The following AGBL4 variants were observed in gnomAD, a reference collection of about 807,000 sequenced individuals.
AGBL4 encodes the protein AGBL carboxypeptidase 4, also known as cytosolic carboxypeptidase 6.
AGBL4 carries 58 observed loss-of-function variants against 66.4 expected under a neutral mutation model. That is an observed-to-expected ratio of 0.87 (90% CI 0.71 to 1.09). The LOEUF is 1.09. Ranked by LOEUF, AGBL4 falls within the 50% of genes least tolerant of loss-of-function variation. The probability of loss-of-function intolerance (pLI) is 0.00; values close to 1 mark genes in which losing one functional copy is unlikely to be tolerated. For synonymous variants in AGBL4, 234 were observed against 222.9 expected, an observed-to-expected ratio of 1.05 and a Z score of -0.44; for missense variants, 579 against 631.0, an observed-to-expected ratio of 0.92 and a Z score of 0.88.
intron 1 of AGBL4, among the ~76,000 whole-genome samples, chr1:49,864,316 A>C (rs1048136883): frequency 1.3e-5 from 2 of 152,222 alleles, no homozygotes; most frequent in Non-Finnish European, 2.9e-5. Context: ...GTACAAAAAA[A>C]ACAACAGAAA....
At chr1:49,370,791 C>T (rs966408383) in intron 3 of AGBL4, among the ~76,000 whole-genome samples, 1 of 152,144 alleles carries the variant, frequency 6.6e-6, no homozygotes, top group African/African-American at 2.4e-5. Flanking sequence ...GATCTTCCTG[C>T]TTCTATTTTC....
chr1:49,325,941 A>C (rs1263198797), intron 3 of AGBL4, among the ~76,000 whole-genome samples: 1 of 152,166 alleles, frequency 6.6e-6, no homozygotes, highest in African/African-American at 2.4e-5. Flanking sequence ...TCCACCATGA[A>C]TGAAAGCTTT....
At chr1:49,171,452 G>A (rs369672817) in intron 4 of AGBL4, among the ~76,000 whole-genome samples, 2 of 152,064 alleles carry the variant, frequency 1.3e-5, no homozygotes, top group African/African-American at 4.8e-5. Context: ...GTTCCAAATG[G>A]GTTTAGAGTA....
chr1:48,662,914 C>G (rs748675106), intron 7 of AGBL4, among the ~76,000 whole-genome samples: 2 of 152,166 alleles, frequency 1.3e-5, no homozygotes, highest in Non-Finnish European at 2.9e-5. Context: ...GTTCAGCCCT[C>G]CCTGTTCATT....
At chr1:48,936,189 C>A (rs1278758680) in intron 5 of AGBL4, among the ~76,000 whole-genome samples, 1 of 151,014 alleles carries the variant, frequency 6.6e-6, no homozygotes, top group Non-Finnish European at 1.5e-5. Context: ...ACTTGGGAGG[C>A]GGAGGTAGGA....
intron 2 of AGBL4, among the ~76,000 whole-genome samples, chr1:49,849,181 C>A (rs1237675498): frequency 6.6e-6 from 1 of 152,008 alleles, no homozygotes; most frequent in African/African-American, 2.4e-5. Context: ...GAACCTCATC[C>A]TGTGACTTAA....
intron 4 of AGBL4, among the ~76,000 whole-genome samples, chr1:49,046,054 A>C (rs1354211208): frequency 6.6e-6 from 1 of 152,226 alleles, no homozygotes; most frequent in Non-Finnish European, 1.5e-5. Context: ...GACACATTCT[A>C]TTCACTTGTT....
intron 5 of AGBL4, among the ~76,000 whole-genome samples, chr1:49,000,340 G>A (rs1052496352): frequency 6.6e-6 from 1 of 152,102 alleles, no homozygotes; most frequent in African/African-American, 2.4e-5. Flanking sequence ...TTATGTATAT[G>A]ACTGCACATG....
At chr1:49,730,475 GC>G (rs1353334292) in intron 2 of AGBL4, among the ~76,000 whole-genome samples, 2 of 152,112 alleles carry the variant, frequency 1.3e-5, no homozygotes, top group Non-Finnish European at 2.9e-5. Context: ...TCACCCAGCT[GC>G]CAGTCGGGAA....
rs12058406 is a variant in AGBL4 at position 49,681,989 on chromosome 1, C to T, written c.282+15324G>A. On this transcript the variant is annotated intron_variant, in intron 3 of 13. Transcript: ENST00000371839. ...TTAAATCAAGAAAGAAAGTGGCTTTCTCCTACCTTGGCCTCTGCCTACTAA... is the reference window on the plus strand; with the variant it reads ...TTAAATCAAGAAAGAAAGTGGCTTTTTCCTACCTTGGCCTCTGCCTACTAA... 4.3e-3 allele frequency among the ~76,000 whole-genome samples: 655 copies of T among 152,316 alleles called. 7 individuals are homozygous for T. Among genetic ancestry groups the T allele is most frequent in the African/African-American group, 0.015 (612 of 41,564 alleles).
chr1:49,208,720 A>T (rs1261522592), intron 4 of AGBL4, among the ~76,000 whole-genome samples: 1 of 152,094 alleles, frequency 6.6e-6, no homozygotes, highest in Non-Finnish European at 1.5e-5. Context: ...GATTTACTTA[A>T]ATATATTTAT....
chr1:49,086,593 A>T (rs1644911476), intron 4 of AGBL4, among the ~76,000 whole-genome samples: 1 of 151,796 alleles, frequency 6.6e-6, no homozygotes, highest in African/African-American at 2.4e-5. Flanking sequence ...GCTTCCACCC[A>T]AGCAGTCCTA....
At chr1:48,531,118 C>CT (rs1181817326), downstream of AGBL4, among the ~76,000 whole-genome samples, 4 of 152,120 alleles carry the variant, frequency 2.6e-5, no homozygotes, top group Admixed American at 2.6e-4. Context: ...TTGCTCAGTC[C>CT]TTTTTTTCTG....
At chr1:49,474,746 T>C (rs2148717390) in intron 3 of AGBL4, among the ~76,000 whole-genome samples, 1 of 152,100 alleles carries the variant, frequency 6.6e-6, no homozygotes, top group South Asian at 2.1e-4. Context: ...AAGAGTTTGG[T>C]ATTTATTGTA....
chr1:49,848,730 T>G (rs1390269901), intron 2 of AGBL4, among the ~76,000 whole-genome samples: 2 of 152,158 alleles, frequency 1.3e-5, no homozygotes, highest in Non-Finnish European at 2.9e-5. Flanking sequence ...GGGTAATGGT[T>G]ACACTAAAAG....
At chr1:49,820,114 C>T (rs1645331611) in intron 2 of AGBL4, among the ~76,000 whole-genome samples, 1 of 152,084 alleles carries the variant, frequency 6.6e-6, no homozygotes, top group African/African-American at 2.4e-5. Flanking sequence ...GTCATGGTAC[C>T]CAGACATTTA....
intron 3 of AGBL4, chr1:49,374,358 A>C (rs1158640023): frequency 1.3e-5 from 2 of 151,756 alleles, no homozygotes; most frequent in African/African-American, 2.4e-5. Flanking sequence ...AAAAAAAAAA[A>C]CAAAAAACCT....
chr1:49,849,392 ATTT>A (rs939002061), intron 2 of AGBL4, among the ~76,000 whole-genome samples: 4 of 102,304 alleles, frequency 3.9e-5, no homozygotes, highest in African/African-American at 1.1e-4. Flanking sequence ...CATTCATCTA[ATTT>A]ATTATTATTA....
chr1:49,979,393 G>A lies in AGBL4; in HGVS notation c.34+44370C>T, dbSNP rs539339935. ...GGAGAATGGCGTGAACCCGGGAAGCGGAGCTTGCAGTGAGCCGAGATTGCG... is the reference window on the plus strand; with the variant it reads ...GGAGAATGGCGTGAACCCGGGAAGCAGAGCTTGCAGTGAGCCGAGATTGCG... On this transcript the variant is annotated intron_variant, in intron 1 of 13. Transcript: ENST00000371839. Among the ~76,000 whole-genome samples the A allele has an allele frequency of 5.9e-5, 9 of 151,848 alleles. No individual in the cohort carries two copies. The East Asian group carries it at 1.7e-3, about 29-fold the overall frequency.
Sources: allele counts gnomAD v4.1 joint callset (sites outside exome capture counted in the v4.1 genomes callset), GRCh38; gene constraint gnomAD v4.1.1; transcripts MANE v1.5; gene names NCBI Gene and HGNC (gene_info 2026-07-23, HGNC 2026-07-21).